RECQL4: variants seen among roughly 807,000 people sequenced by gnomAD.
The protein encoded by RECQL4 is ATP-dependent DNA helicase Q4.
In RECQL4, 158 loss-of-function variants were observed where a neutral mutation model predicts 128.6. The ratio of observed to expected loss-of-function variants is 1.23; its 90% CI spans 1.08 to 1.40. RECQL4 has a LOEUF of 1.40. Among genes scored for constraint, RECQL4 ranks in the 40% most tolerant of loss-of-function variants. RECQL4 has a pLI of 0.00. For synonymous variants in RECQL4, 996 were observed against 678.9 expected (o/e 1.47, Z -7.26); for missense variants, 2,293 against 1,649.8 (o/e 1.39, Z -6.75).
Position 144,517,485 on chromosome 8 carries a change from G to A in RECQL4, c.142C>T (p.Leu48=), listed in dbSNP as rs1273649766. 3 of 1,597,614 alleles carry A rather than the reference G, an allele frequency of 1.9e-6. No individual in the cohort carries two copies. Among genetic ancestry groups the A allele is most frequent in the South Asian group, 2.2e-5 (2 of 89,630 alleles). ...CCGGCCTGGCCCGTGGTACGCTTCA[G>A]AGTGCGGTATTCCCGGTAGAGCGCT... ...TRALYREYRT[L]KRTTGQAGGG... Residue 48 remains leucine, a synonymous_variant, in exon 3 of 21, where the codon CTG becomes TTG. Transcript: ENST00000617875.
At chr8:144,516,972 G>GA (rs1021650368) in intron 4 of RECQL4, 78 bp downstream of exon 4, 19 of 1,540,316 alleles carry the variant, frequency 1.2e-5, no homozygotes, top group African/African-American at 4.1e-5. Flanking sequence ...TGTCTGTGTG[G>GA]AAAAAATGAC....
At position 144,513,063 on chromosome 8, in the gene RECQL4, G is replaced by A. The variant is rs1827556397; in HGVS notation, c.2539C>T (p.Gln847Ter). ...TDFLAVKRLVQRVFPACTCTC... is the reference protein window; with the variant it reads ...TDFLAVKRLV ...CAGGTGCAGGCTGGGAACACGCGCT[G>A]TACCAGCCTCTTCACAGCCAGGAAG... is the stretch of plus-strand genomic sequence containing the variant. Residue 847 changes from glutamine to a stop codon, truncating the protein, a stop_gained, in exon 15 of 21, where the codon CAG becomes TAG. Coordinates refer to ENST00000617875, the MANE Select transcript of RECQL4 (RefSeq NM_004260.4). LOFTEE classifies it high-confidence loss of function. 2 of 1,576,158 alleles carry A rather than the reference G, an allele frequency of 1.3e-6. No homozygotes were observed. Among genetic ancestry groups the A allele is most frequent in the Non-Finnish European group, 8.6e-7 (1 of 1,160,372 alleles).
In RECQL4 at chr8:144,516,374, C is replaced by T; in HGVS notation, c.745G>A (p.Val249Met). Residue 249 changes from valine (V) to methionine (M), a missense_variant, in exon 5 of 21, where the codon GTG becomes ATG. Coordinates refer to ENST00000617875, the MANE Select transcript of RECQL4 (RefSeq NM_004260.4). ...CTGCTGCTGGGCTGGGGGCTCCCCA[C>T]ACGGATGCTGACTTCTTGGAAGGCT... is the stretch of plus-strand genomic sequence containing the variant. ...ASAFQEVSIRVGSPQPSSSGG... is the reference protein window; with the variant it reads ...ASAFQEVSIRMGSPQPSSSGG... 1.2e-6 allele frequency: 2 copies of T among 1,610,244 alleles called. No individual in the cohort carries two copies. Among genetic ancestry groups the T allele is most frequent in the Non-Finnish European group, 1.7e-6 (2 of 1,179,736 alleles).
At chr8:144,511,602 AGCGG>A in intron 20 of RECQL4, 47 bp from the exon 21 acceptor site, 1 of 1,607,462 alleles carries the variant, frequency 6.2e-7, no homozygotes, top group Non-Finnish European at 8.5e-7. Flanking sequence ...CCCAGCCTGC[AGCGG>A]GTGGAGCCTC....
At chr8:144,517,564 G>C (rs2130742834) in intron 2 of RECQL4, 38 bp downstream of exon 2, 1 of 1,502,418 alleles carries the variant, frequency 6.7e-7, no homozygotes, top group Non-Finnish European at 8.8e-7. Context: ...CTGCCGACCC[G>C]GTGTCTTCTC....
In RECQL4 at chr8:144,516,707, A is replaced by T; in HGVS notation, c.412T>A (p.Ser138Thr). 1 of 1,546,882 alleles carries T rather than the reference A, an allele frequency of 6.5e-7. No individual in the cohort carries two copies. The highest frequency in any genetic ancestry group is 1.3e-5 in the South Asian group (1 of 79,288). Reference protein sequence around the residue: ...WPLGRASSKASTPKPPGTGPV... With the variant: ...WPLGRASSKATTPKPPGTGPV... ...CCTGTACCTGGGGGCTTTGGGGTGG[A>T]TGCCTTAGATGAGGCTCTTCCTAGA... Residue 138 changes from serine to threonine, a missense_variant, in exon 5 of 21, where the codon TCC becomes ACC. Ser to Thr is a moderately conservative substitution (Grantham distance 58, BLOSUM62 1). Transcript: ENST00000617875.
At position 144,515,199 on chromosome 8, in the gene RECQL4, G is replaced by C; in HGVS notation, c.1434C>G (p.His478Gln). 1 of 1,570,928 alleles carries C rather than the reference G, an allele frequency of 6.4e-7. No individual in the cohort carries two copies. The change falls in exon 8 of 21, where the codon CAC (histidine) becomes CAG (glutamine). Residue 478 changes from histidine (H) to glutamine (Q), a missense_variant. By Grantham distance (24) the His-to-Gln change is conservative (BLOSUM62 0). Coordinates refer to ENST00000617875, the MANE Select transcript of RECQL4 (RefSeq NM_004260.4). ...EVFQALEQLG[H>Q]QAFRPGQERA... ...GCTCCTGCCCAGGGCGAAAGGCTTG[G>C]TGCCCCAGCTGCTCCAGGGCCTGGA...
Position 144,514,508 on chromosome 8 carries a change from C to G in RECQL4, c.1638G>C (p.Pro546=). The G allele has an allele frequency of 6.2e-7, 1 of 1,611,754 alleles. No individual in the cohort carries two copies. The highest frequency in any genetic ancestry group is 2.2e-5 in the East Asian group (1 of 44,876). ...AGTGTATGCAGGCCGCCTTGAGACACGGTGGCAGGCCAGACACCTGCAAAT... is the reference window on the plus strand; with the variant it reads ...AGTGTATGCAGGCCGCCTTGAGACAGGGTGGCAGGCCAGACACCTGCAAAT... The part of the protein sequence containing the change: ...LMDDQVSGLP[P]CLKAACIHSG... The change falls in exon 10 of 21, where the codon CCG becomes CCC. Residue 546 remains proline (P), a synonymous_variant. Transcript: ENST00000617875.
Position 144,512,769 on chromosome 8 carries a change from T to C in RECQL4, c.2758A>G (p.Ile920Val), listed in dbSNP as rs780723602. 18 of 1,611,702 alleles carry C rather than the reference T, an allele frequency of 1.1e-5. No homozygotes were observed. The highest frequency in any genetic ancestry group is 1.7e-5 in the Admixed American group (1 of 59,958). ...TCCAGGTAGCACAGCAAAGTCTCGA[T>C]GGCTGGGGGCAGAGCAGGGCTCAGC... ...VQALDMPEEA[I>V]ETLLCYLELH... Residue 920 changes from isoleucine to valine, a missense_variant and splice_region_variant, in exon 16 of 21, where the codon ATC becomes GTC. Transcript: ENST00000617875.
chr8:144,512,405 G>C lies in RECQL4; in HGVS notation c.3042C>G (p.His1014Gln). Residue 1014 changes from histidine (H) to glutamine (Q), a missense_variant, in exon 17 of 21, where the codon CAC (histidine) becomes CAG (glutamine). Transcript: ENST00000617875. ...RRALCQLQWD[H>Q]EPRTGVRRGT... ...GGAGAGGCGCACCTGTCCTGGGCTCGTGGTCCCACTGCAGCTGGCAGAGAG... is the reference window on the plus strand; with the variant it reads ...GGAGAGGCGCACCTGTCCTGGGCTCCTGGTCCCACTGCAGCTGGCAGAGAG... 6.2e-7 allele frequency: 1 copy of C among 1,607,266 alleles called. No homozygotes were observed. Among genetic ancestry groups the C allele is most frequent in the South Asian group, 1.1e-5 (1 of 90,952 alleles).
At position 144,512,615 on chromosome 8, in the gene RECQL4, G is replaced by A. The variant is rs376955025; in HGVS notation, c.2885+27C>T. On this transcript the variant is annotated intron_variant, in intron 16 of 20. Transcript: ENST00000617875. ...CCAACAGCCCTGATTCTCCAACCTC[G>A]TCTCCAACTGGGCAGGGCGTGCTTA... 86 of 1,611,588 alleles carry A rather than the reference G, an allele frequency of 5.3e-5. No individual in the cohort carries two copies. The African/African-American group carries it at 5.5e-4, about 10-fold the overall frequency.
chr8:144,513,145 G>A lies in RECQL4; in HGVS notation c.2464-7C>T, dbSNP rs1281882665. 1 of 1,542,902 alleles carries A rather than the reference G, an allele frequency of 6.5e-7. No individual in the cohort carries two copies. The highest frequency in any genetic ancestry group is 8.7e-7 in the Non-Finnish European group (1 of 1,143,554). On this transcript the variant is annotated splice_polypyrimidine_tract_variant and splice_region_variant and intron_variant, in intron 14 of 20. Transcript: ENST00000617875. ...GCTCTCGCAGGTCTTCGCCCTGCAG[G>A]GCAACTTTCATGAGGGTGGGGTGGA... is the stretch of plus-strand genomic sequence containing the variant.
chr8:144,513,513 T>C lies in RECQL4; in HGVS notation c.2201-33A>G, dbSNP rs778584361. The C allele has an allele frequency of 3.7e-6, 6 of 1,610,602 alleles. No homozygotes were observed. In the South Asian group the frequency reaches 6.6e-5, roughly 18 times the overall value. On this transcript the variant is annotated intron_variant, in intron 13 of 20. Transcript: ENST00000617875. ...GAAGACAGGCAGATGGTCAGTGGGATGGGACCATGTGTGCCCAAGGTGGGT... is the reference window on the plus strand; with the variant it reads ...GAAGACAGGCAGATGGTCAGTGGGACGGGACCATGTGTGCCCAAGGTGGGT...
chr8:144,516,747 GC>G lies in RECQL4; in HGVS notation c.371del (p.Gly124AlafsTer7). On this transcript the variant is annotated frameshift_variant, in exon 5 of 21. Coordinates refer to ENST00000617875, the MANE Select transcript of RECQL4 (RefSeq NM_004260.4). LOFTEE classifies it high-confidence loss of function. ...KGTLQAGPAL[G>X]RRPWPLGRAS... Reference sequence around the variant, plus strand: ...CTCTTCCTAGAGGCCACGGTCTGCGGCCCAGGGCTGGTCCGGCCTGGGAGGG... The same window carrying G: ...CTCTTCCTAGAGGCCACGGTCTGCGGCCAGGGCTGGTCCGGCCTGGGAGGG... The G allele has an allele frequency of 6.6e-7, 1 of 1,525,048 alleles. No individual in the cohort carries two copies. 94.5% of individuals were successfully genotyped at this position (1,525,048 alleles called of 1,614,324 possible).
Position 144,512,082 on chromosome 8 carries a change from C to T in RECQL4, c.3237-15G>A, listed in dbSNP as rs1827335627. The T allele has an allele frequency of 1.9e-6, 3 of 1,606,180 alleles. No individual in the cohort carries two copies. Among genetic ancestry groups the T allele is most frequent in the Admixed American group, 3.4e-5 (2 of 59,268 alleles). On this transcript the variant is annotated splice_polypyrimidine_tract_variant and intron_variant, in intron 18 of 20. Transcript: ENST00000617875. Reference sequence around the variant, plus strand: ...GGAAGGCTACGCTGTGGGGAGGAGCCTGTCAGAGCTGATCACTGCGGGAGG... The same window carrying T: ...GGAAGGCTACGCTGTGGGGAGGAGCTTGTCAGAGCTGATCACTGCGGGAGG...
In RECQL4 at chr8:144,511,327, C is replaced by G; in HGVS notation, c.*104G>C. ...GCATTTTTTATTCTGCATTTTGGAG[C>G]CTCCTCGTTCCCACACCCTGTGGCA... On this transcript the variant is annotated 3_prime_UTR_variant, in exon 21 of 21. Coordinates refer to ENST00000617875, the MANE Select transcript of RECQL4 (RefSeq NM_004260.4). 1 of 1,560,856 alleles carries G rather than the reference C, an allele frequency of 6.4e-7. No homozygotes were observed. Among genetic ancestry groups the G allele is most frequent in the South Asian group, 1.2e-5 (1 of 85,310 alleles).
chr8:144,516,681 C>T lies in RECQL4; in HGVS notation c.438G>A (p.Gly146=), dbSNP rs764797288. 3 of 1,579,302 alleles carry T rather than the reference C, an allele frequency of 1.9e-6. No homozygotes were observed. The highest frequency in any genetic ancestry group is 2.6e-6 in the Non-Finnish European group (3 of 1,163,342). The change falls in exon 5 of 21, where the codon GGG becomes GGA. Residue 146 remains glycine, a synonymous_variant. Transcript: ENST00000617875. ...CTTTTTCTGCAAAGGAGGGGACAGG[C>T]CCTGTACCTGGGGGCTTTGGGGTGG... is the stretch of plus-strand genomic sequence containing the variant. ...KASTPKPPGT[G]PVPSFAEKVS...
intron 12 of RECQL4, 71 bp from the exon 13 acceptor site, chr8:144,513,783 G>T (rs1586806455): frequency 7.0e-7 from 1 of 1,430,626 alleles, no homozygotes. Flanking sequence ...GGAGTGAGGA[G>T]GGGTCGGCGT....
Position 144,517,790 on chromosome 8 carries a change from G to A in RECQL4, c.-6C>T, listed in dbSNP as rs35827852. On this transcript the variant is annotated 5_prime_UTR_variant, in exon 1 of 21. Transcript: ENST00000617875. ...ACGTCCCGCAGCCGCTCCATGGCGCGCGCGCCCGCCCGGCCTCCGCGCTTG... is the reference window on the plus strand; with the variant it reads ...ACGTCCCGCAGCCGCTCCATGGCGCACGCGCCCGCCCGGCCTCCGCGCTTG... 1.3e-3 allele frequency: 1,592 copies of A among 1,224,276 alleles called. 20 individuals carry two copies. The African/African-American group carries it at 0.023, about 17-fold the overall frequency. 75.8% of individuals were successfully genotyped at this position (1,224,276 alleles called of 1,614,324 possible).
Sources: allele counts gnomAD v4.1 joint callset, GRCh38; gene constraint gnomAD v4.1.1; transcripts MANE v1.5; gene names NCBI Gene and HGNC (gene_info 2026-07-23, HGNC 2026-07-21).